TTPA: variants seen among roughly 807,000 people sequenced by gnomAD.
TTPA encodes alpha tocopherol transfer protein.
TTPA carries 23 observed loss-of-function variants against 25.9 expected under a neutral mutation model. The observed-to-expected ratio is 0.89, with a 90% CI of 0.64 to 1.26. The LOEUF (loss-of-function observed/expected upper bound fraction) is 1.26. Among genes scored for constraint, TTPA ranks in the 50% most tolerant of loss-of-function variants. The probability of loss-of-function intolerance (pLI) is 0.00; values close to 1 mark genes in which losing one functional copy is unlikely to be tolerated. For missense variants in TTPA, 337 were observed against 353.1 expected, an observed-to-expected ratio of 0.95 and a Z score of 0.37; for synonymous variants, 148 against 137.3, an observed-to-expected ratio of 1.08 and a Z score of -0.54.
At chr8:63,068,525 G>T (rs1211024291) in intron 2 of TTPA, among the ~76,000 whole-genome samples, 1 of 152,218 alleles carries the variant, frequency 6.6e-6, no homozygotes, top group African/African-American at 2.4e-5. Flanking sequence ...GCAGGGATGG[G>T]AGTGAAATCA....
In TTPA at chr8:63,073,008, G is replaced by T. The variant is rs1197496188; in HGVS notation, c.285C>A (p.Leu95=). The T allele has an allele frequency of 6.2e-7, 1 of 1,614,000 alleles. No homozygotes were observed. The highest frequency in any genetic ancestry group is 1.1e-5 in the South Asian group (1 of 91,064). Residue 95 remains leucine, a synonymous_variant, in exon 2 of 5, where the codon CTC becomes CTA. Transcript: ENST00000260116. Reference sequence around the variant, plus strand: ...GGACTCCATGGTAGCCAGCCTTTAGGAGGCCAATAATACTTCTAGGGTGTA... The same window carrying T: ...GGACTCCATGGTAGCCAGCCTTTAGTAGGCCAATAATACTTCTAGGGTGTA... ...ADLHPRSIIG[L]LKAGYHGVLR...
At chr8:63,080,463 T>C (rs1563365401) in intron 1 of TTPA, among the ~76,000 whole-genome samples, 1 of 152,188 alleles carries the variant, frequency 6.6e-6, no homozygotes. Context: ...GGCTCACGCC[T>C]GTAATCCCAG....
Position 63,064,228 on chromosome 8 carries a change from A to G in TTPA, c.641T>C (p.Leu214Pro). Residue 214 changes from leucine (L) to proline (P), a missense_variant, in exon 4 of 5, where the codon CTG (leucine) becomes CCG (proline). By Grantham distance (98) the Leu-to-Pro change is moderately conservative. Coordinates refer to ENST00000260116, the MANE Select transcript of TTPA (RefSeq NM_000370.3). ...HAVFSMIKPF[L>P]TEKIKERIHM... ...CACCCGTTCCTTAATTTTTTCAGTCAGGAATGGTTTGATCATGGAAAAGAC... is the reference window on the plus strand; with the variant it reads ...CACCCGTTCCTTAATTTTTTCAGTCGGGAATGGTTTGATCATGGAAAAGAC... The G allele has an allele frequency of 6.2e-7, 1 of 1,612,862 alleles. No homozygotes were observed.
chr8:63,065,033 T>C (rs1805367565), intron 3 of TTPA, among the ~76,000 whole-genome samples: 1 of 152,208 alleles, frequency 6.6e-6, no homozygotes, highest in Non-Finnish European at 1.5e-5. Context: ...ACTGATACAA[T>C]ACAGCTTTTG....
At chr8:63,059,195 CTAAT>C (rs1216614746), downstream of TTPA, among the ~76,000 whole-genome samples, 2 of 149,782 alleles carry the variant, frequency 1.3e-5, no homozygotes, top group African/African-American at 4.9e-5. Context: ...CTACGCCCGG[CTAAT>C]TTTTTTGTAT....
intron 1 of TTPA, among the ~76,000 whole-genome samples, chr8:63,085,008 G>C (rs1805725248): frequency 6.6e-6 from 1 of 152,186 alleles, no homozygotes; most frequent in Non-Finnish European, 1.5e-5. Context: ...TTAGAGAAAG[G>C]GCTAGATCTG....
chr8:63,062,103 G>A (rs571088947), intron 4 of TTPA, among the ~76,000 whole-genome samples: 1 of 152,146 alleles, frequency 6.6e-6, no homozygotes, highest in African/African-American at 2.4e-5. Flanking sequence ...GCTGAGGCAG[G>A]AGGATTGCTT....
At chr8:63,078,093 CCTGA>C (rs1247530707) in intron 1 of TTPA, among the ~76,000 whole-genome samples, 9 of 151,916 alleles carry the variant, frequency 5.9e-5, no homozygotes, top group African/African-American at 9.7e-5. Context: ...AGCTGAGAGA[CCTGA>C]CTGTTAGAAG....
intron 4 of TTPA, among the ~76,000 whole-genome samples, chr8:63,063,632 C>T (rs1046095300): frequency 6.6e-6 from 1 of 152,098 alleles, no homozygotes; most frequent in Non-Finnish European, 1.5e-5. Flanking sequence ...TATAGATATC[C>T]ACTTATATTA....
chr8:63,085,835 G>C lies in TTPA; in HGVS notation c.187C>G (p.Leu63Val), dbSNP rs1805741977. Reference protein sequence around the residue: ...LRFLRARDFDLDLAWRLLKNY... With the variant: ...LRFLRARDFDVDLAWRLLKNY... ...ACGCTTACCCGCCAGGCCAGGTCCA[G>C]ATCGAAATCCCGGGCGCGCAGGAAC... Residue 63 changes from leucine to valine, a missense_variant, in exon 1 of 5, where the codon CTG (leucine) becomes GTG (valine). Physicochemically the swap from Leu to Val is conservative, Grantham distance 32. Coordinates refer to ENST00000260116, the MANE Select transcript of TTPA (RefSeq NM_000370.3). 8.5e-6 allele frequency: 13 copies of C among 1,536,830 alleles called. No homozygotes were observed. Among genetic ancestry groups the C allele is most frequent in the Non-Finnish European group, 1.1e-5 (13 of 1,145,606 alleles).
intron 1 of TTPA, among the ~76,000 whole-genome samples, chr8:63,076,067 C>T (rs1307400973): frequency 6.6e-6 from 1 of 152,136 alleles, no homozygotes; most frequent in African/African-American, 2.4e-5. Flanking sequence ...TATTTGACAG[C>T]GCAGGCTCTC....
chr8:63,067,928 G>T (rs1235977023), intron 2 of TTPA, among the ~76,000 whole-genome samples: 1 of 152,138 alleles, frequency 6.6e-6, no homozygotes, highest in Non-Finnish European at 1.5e-5. Flanking sequence ...CATCCCTGTT[G>T]CTGCAAAGGA....
chr8:63,072,854 A>G, intron 2 of TTPA, 81 bp downstream of exon 2: 1 of 1,518,152 alleles, frequency 6.6e-7, no homozygotes, highest in Non-Finnish European at 9.1e-7. Context: ...AAGAAATGGA[A>G]GAAAGAGAGA....
At chr8:63,071,228 G>C (rs1288412968) in intron 2 of TTPA, among the ~76,000 whole-genome samples, 1 of 151,128 alleles carries the variant, frequency 6.6e-6, no homozygotes, top group African/African-American at 2.4e-5. Context: ...CTTAAGCTAG[G>C]GCAAAAAAAA....
At chr8:63,083,715 A>G (rs115797273) in intron 1 of TTPA, among the ~76,000 whole-genome samples, 7,627 of 151,934 alleles carry the variant, frequency 0.05, 279 homozygotes, top group African/African-American at 0.1. Context: ...CATGTATATA[A>G]AAGATTATTA....
intron 1 of TTPA, among the ~76,000 whole-genome samples, chr8:63,075,462 G>A (rs937073165): frequency 6.6e-6 from 1 of 152,110 alleles, no homozygotes; most frequent in African/African-American, 2.4e-5. Flanking sequence ...GCTCATGCCT[G>A]TAATCCCAGC....
At chr8:63,080,972 A>G (rs1414669305) in intron 1 of TTPA, among the ~76,000 whole-genome samples, 1 of 151,878 alleles carries the variant, frequency 6.6e-6, no homozygotes, top group Non-Finnish European at 1.5e-5. Flanking sequence ...GAATAGACCA[A>G]TAACAGGCTC....
At chr8:63,072,694 A>G (rs1342836911) in intron 2 of TTPA, among the ~76,000 whole-genome samples, 1 of 152,188 alleles carries the variant, frequency 6.6e-6, no homozygotes, top group African/African-American at 2.4e-5. Context: ...TTTCACTTGT[A>G]TCTGTTAATT....
Position 63,072,931 on chromosome 8 carries a change from T to G in TTPA, c.358+4A>C. Reference sequence around the variant, plus strand: ...GAAAAAAAAAAGAGTTGTGTATGACTTACCGATTCTGTAAATAAGAACTTT... The same window carrying G: ...GAAAAAAAAAAGAGTTGTGTATGACGTACCGATTCTGTAAATAAGAACTTT... On this transcript the variant is annotated splice_donor_region_variant and intron_variant, in intron 2 of 4. Transcript: ENST00000260116. 1 of 1,614,032 alleles carries G rather than the reference T, an allele frequency of 6.2e-7. No homozygotes were observed. The highest frequency in any genetic ancestry group is 8.5e-7 in the Non-Finnish European group (1 of 1,179,984).
Sources: allele counts gnomAD v4.1 joint callset (sites outside exome capture counted in the v4.1 genomes callset), GRCh38; gene constraint gnomAD v4.1.1; transcripts MANE v1.5; gene names NCBI Gene and HGNC (gene_info 2026-07-23, HGNC 2026-07-21).